The following DTD1 variants were observed in gnomAD, a reference collection of about 807,000 sequenced individuals.
DTD1 encodes D-tyrosyl-tRNA deacylase 1 homolog.
A neutral mutation model predicts 25.6 loss-of-function variants in DTD1; 13 were observed. The observed-to-expected ratio is 0.51, with a 90% CI of 0.33 to 0.81. The LOEUF (loss-of-function observed/expected upper bound fraction) is 0.81, where lower values mean the gene tolerates loss of function less well. DTD1 is among the 30% of genes least tolerant of loss of function. The pLI, the probability that DTD1 is intolerant of heterozygous loss-of-function variation, is 0.02. For missense variants in DTD1, 193 were observed against 266.4 expected, an observed-to-expected ratio of 0.72 and a Z score of 1.92; for synonymous variants, 110 against 103.6, an observed-to-expected ratio of 1.06 and a Z score of -0.37.
At chr20:18,695,858 G>A (rs1200816703) in intron 4 of DTD1, among the ~76,000 whole-genome samples, 4 of 151,644 alleles carry the variant, frequency 2.6e-5, no homozygotes, top group Non-Finnish European at 4.4e-5. Flanking sequence ...TTTTATTTTT[G>A]TAGAGATGGG....
intron 4 of DTD1, among the ~76,000 whole-genome samples, chr20:18,641,521 TTGTG>T (rs762686834): frequency 3.3e-5 from 5 of 149,586 alleles, no homozygotes; most frequent in Non-Finnish European, 5.9e-5. Context: ...GTATGTGTGT[TTGTG>T]TGTGTGTGTG....
intron 4 of DTD1, among the ~76,000 whole-genome samples, chr20:18,688,878 G>T (rs2061029169): frequency 6.6e-6 from 1 of 152,092 alleles, no homozygotes; most frequent in Non-Finnish European, 1.5e-5. Flanking sequence ...ATTCCCTGGG[G>T]TGGCCTGTGG....
chr20:18,737,208 T>G (rs985175055), intron 4 of DTD1, among the ~76,000 whole-genome samples: 2 of 152,228 alleles, frequency 1.3e-5, no homozygotes, highest in African/African-American at 4.8e-5. Context: ...CAGTCATCTC[T>G]GTGTGTTGCT....
intron 5 of DTD1, among the ~76,000 whole-genome samples, chr20:18,746,136 C>G (rs1396975381): frequency 2.0e-5 from 3 of 152,070 alleles, no homozygotes; most frequent in African/African-American, 7.2e-5. Flanking sequence ...TTTGAGGTGC[C>G]TGTTGGCAGC....
intron 4 of DTD1, among the ~76,000 whole-genome samples, chr20:18,673,676 G>A (rs2060959079): frequency 6.6e-6 from 1 of 152,152 alleles, no homozygotes; most frequent in Admixed American, 6.5e-5. Context: ...TTTCTAGTTT[G>A]GGCTCCGGGG....
intron 4 of DTD1, among the ~76,000 whole-genome samples, chr20:18,636,755 A>G (rs924660792): frequency 2.6e-5 from 4 of 152,198 alleles, no homozygotes; most frequent in Admixed American, 1.3e-4. Context: ...GACTTTTGTC[A>G]CATTCTCTGG....
At chr20:18,648,995 CAAAAAAAAAA>C (rs57780175) in intron 4 of DTD1, among the ~76,000 whole-genome samples, 7 of 56,274 alleles carry the variant, frequency 1.2e-4, no homozygotes, top group African/African-American at 3.9e-4. Context: ...GACTCCATCT[CAAAAAAAAAA>C]AAAAAAAAAA....
intron 4 of DTD1, among the ~76,000 whole-genome samples, chr20:18,694,578 A>G (rs1429071657): frequency 6.6e-6 from 1 of 152,198 alleles, no homozygotes; most frequent in Non-Finnish European, 1.5e-5. Context: ...CTAATAAGCA[A>G]CCTCAGCTAG....
At chr20:18,630,077 A>G (rs985484207) in intron 4 of DTD1, among the ~76,000 whole-genome samples, 4 of 152,080 alleles carry the variant, frequency 2.6e-5, no homozygotes, top group African/African-American at 7.2e-5. Context: ...GTAGTAGGCT[A>G]GACTTCAGTG....
intron 4 of DTD1, among the ~76,000 whole-genome samples, chr20:18,669,441 C>T (rs1393151786): frequency 2.0e-5 from 3 of 152,212 alleles, no homozygotes; most frequent in Non-Finnish European, 4.4e-5. Flanking sequence ...TTGCATTCCT[C>T]GGCTGAGCTC....
intron 3 of DTD1, among the ~76,000 whole-genome samples, chr20:18,622,291 T>C (rs375101977): frequency 6.6e-6 from 1 of 152,054 alleles, no homozygotes; most frequent in African/African-American, 2.4e-5. Flanking sequence ...TGTCCATGTG[T>C]TCTCATTGTT....
intron 5 of DTD1, among the ~76,000 whole-genome samples, chr20:18,748,382 G>A (rs988536304): frequency 3.3e-5 from 5 of 152,054 alleles, no homozygotes; most frequent in East Asian, 1.9e-4. Context: ...AATCTATGAC[G>A]GGGTATTGAG....
chr20:18,662,405 G>A (rs2060914775), intron 4 of DTD1, among the ~76,000 whole-genome samples: 1 of 152,174 alleles, frequency 6.6e-6, no homozygotes, highest in African/African-American at 2.4e-5. Context: ...ACAGGTGTGA[G>A]CCACCATGCC....
chr20:18,652,001 C>T (rs1205404909), intron 4 of DTD1, among the ~76,000 whole-genome samples: 1 of 152,170 alleles, frequency 6.6e-6, no homozygotes, highest in Non-Finnish European at 1.5e-5. Flanking sequence ...TTCCTGTCCC[C>T]ATTGGCAGTT....
At chr20:18,681,812 A>G (rs1311559788) in intron 4 of DTD1, among the ~76,000 whole-genome samples, 1 of 152,246 alleles carries the variant, frequency 6.6e-6, no homozygotes, top group Non-Finnish European at 1.5e-5. Flanking sequence ...TCAGTAGGTT[A>G]GAAATTTGGA....
Position 18,764,317 on chromosome 20 carries a change from G to T in DTD1, c.*977G>T, listed in dbSNP as rs2122547668. ...CCAAGTCACCACACCCAGCACTCTG[G>T]GAAGAAAGAATCACATTCTGCCAAA... On this transcript the variant is annotated 3_prime_UTR_variant, in exon 6 of 6. Coordinates refer to ENST00000377452, the MANE Select transcript of DTD1 (RefSeq NM_080820.6). 1 of 152,290 alleles carries T rather than the reference G, an allele frequency of 6.6e-6. No homozygotes were observed. 9.4% of individuals were successfully genotyped at this position (152,290 alleles called of 1,614,324 possible).
intron 4 of DTD1, chr20:18,692,086 A>G (rs941398867): frequency 6.6e-6 from 1 of 152,186 alleles, no homozygotes; most frequent in Admixed American, 6.5e-5. Context: ...GTATCTAAGA[A>G]CATACTTTTA....
intron 4 of DTD1, among the ~76,000 whole-genome samples, chr20:18,686,326 G>T (rs1376079078): frequency 6.6e-6 from 1 of 152,170 alleles, no homozygotes; most frequent in Non-Finnish European, 1.5e-5. Context: ...CCTATTGTTG[G>T]ATATTTAGGC....
At chr20:18,727,758 C>T (rs1391624394) in intron 4 of DTD1, among the ~76,000 whole-genome samples, 1 of 152,204 alleles carries the variant, frequency 6.6e-6, no homozygotes, top group Admixed American at 6.5e-5. Flanking sequence ...AGTATGTGAC[C>T]TTTGTGCATG....
Sources: allele counts gnomAD v4.1 joint callset (sites outside exome capture counted in the v4.1 genomes callset), GRCh38; gene constraint gnomAD v4.1.1; transcripts MANE v1.5; gene names NCBI Gene and HGNC (gene_info 2026-07-23, HGNC 2026-07-21).